Variants in MAPK14 observed in about 807,000 individuals in gnomAD.
The protein encoded by MAPK14 is CSAID-binding protein.
A neutral mutation model predicts 49.6 loss-of-function variants in MAPK14; 16 were observed. That is an observed-to-expected ratio of 0.32 (90% confidence interval 0.22 to 0.49). MAPK14 has a LOEUF of 0.49. Among genes scored for constraint, MAPK14 ranks in the 20% least tolerant of loss-of-function variants. The pLI is 0.99. For synonymous variants in MAPK14, 142 were observed against 158.0 expected, an observed-to-expected ratio of 0.90 and a Z score of 0.76; for missense variants, 200 against 441.2, an observed-to-expected ratio of 0.45 and a Z score of 4.90.
At position 36,043,019 on chromosome 6, in the gene MAPK14, G is replaced by T. The variant is rs371322357; in HGVS notation, c.117-9680G>T. ...TGCCTCAGTAGTAGCAGCTACTCGG[G>T]AAGCTGAGGTGGGAGGTTTGTTGGG... On this transcript the variant is annotated intron_variant, in intron 1 of 11. Coordinates refer to ENST00000229794, the MANE Select transcript of MAPK14 (RefSeq NM_139012.3). 7.9e-5 allele frequency among the ~76,000 whole-genome samples: 12 copies of T among 152,046 alleles called. No individual in the cohort carries two copies. In the South Asian group the frequency reaches 2.1e-3, roughly 26 times the overall value.
chr6:36,115,636 C>T (rs569479677), downstream of MAPK14, among the ~76,000 whole-genome samples: 2 of 151,882 alleles, frequency 1.3e-5, no homozygotes, highest in East Asian at 1.9e-4. Flanking sequence ...ATTTTTAAAA[C>T]GTTAACTGGG....
intron 1 of MAPK14, among the ~76,000 whole-genome samples, chr6:36,044,896 G>C (rs938727230): frequency 2.0e-5 from 3 of 152,178 alleles, no homozygotes; most frequent in Admixed American, 2.0e-4. Context: ...CTTATTGGGA[G>C]TCCAAGGCAG....
chr6:36,044,201 C>T (rs946084641), intron 1 of MAPK14, among the ~76,000 whole-genome samples: 1 of 152,078 alleles, frequency 6.6e-6, no homozygotes, highest in African/African-American at 2.4e-5. Context: ...TAAATATTTC[C>T]ATTAACTTCC....
At position 36,104,433 on chromosome 6, in the gene MAPK14, G is replaced by T. The variant is rs1400809258; in HGVS notation, c.841+1784G>T. 3.9e-5 allele frequency among the ~76,000 whole-genome samples: 6 copies of T among 152,130 alleles called. No individual in the cohort carries two copies. In the East Asian group the frequency reaches 1.2e-3, roughly 29 times the overall value. ...GACAGAGTCTCGCTCTGTCGTCCAG[G>T]TTGGAGTGCAGTGGTGCGATCTCGG... On this transcript the variant is annotated intron_variant, in intron 10 of 11. Transcript: ENST00000229794.
At chr6:36,120,557 T>C in the MAPK14 span, among the ~76,000 whole-genome samples, 1 of 152,180 alleles carries the variant, frequency 6.6e-6, no homozygotes, top group South Asian at 2.1e-4. Context: ...AAACTTTTCT[T>C]TATTGATACA....
chr6:36,064,417 C>A (rs972386906), intron 3 of MAPK14, among the ~76,000 whole-genome samples: 1 of 152,138 alleles, frequency 6.6e-6, no homozygotes, highest in Non-Finnish European at 1.5e-5. Context: ...TCTTCTGATA[C>A]TTTTTCCTTT....
chr6:36,097,311 A>T (rs375552318), intron 9 of MAPK14: 1 of 152,358 alleles, frequency 6.6e-6, no homozygotes. Context: ...AGATGTTCTG[A>T]TAACATGATC....
the MAPK14 span, among the ~76,000 whole-genome samples, chr6:36,119,879 A>G: frequency 6.6e-6 from 1 of 152,212 alleles, no homozygotes; most frequent in Non-Finnish European, 1.5e-5. Context: ...GTGAAAAAGG[A>G]GGCTGCAAAA....
chr6:36,100,523 G>A (rs1357736719), intron 9 of MAPK14, among the ~76,000 whole-genome samples: 1 of 152,176 alleles, frequency 6.6e-6, no homozygotes, highest in Admixed American at 6.5e-5. Flanking sequence ...GTGCTTGTGA[G>A]GCGGTTTCTT....
At chr6:36,064,471 A>C (rs1763965966) in intron 3 of MAPK14, among the ~76,000 whole-genome samples, 1 of 152,114 alleles carries the variant, frequency 6.6e-6, no homozygotes, top group African/African-American at 2.4e-5. Context: ...TGAATTCCTT[A>C]TCTCTGCCTC....
intron 8 of MAPK14, among the ~76,000 whole-genome samples, chr6:36,084,914 G>A (rs1764918111): frequency 2.0e-5 from 3 of 149,662 alleles, no homozygotes; most frequent in Admixed American, 2.0e-4. Context: ...AAAATACTAA[G>A]GGCAGCCAGA....
At chr6:36,093,786 A>C (rs1378240280) in intron 8 of MAPK14, among the ~76,000 whole-genome samples, 1 of 152,076 alleles carries the variant, frequency 6.6e-6, no homozygotes, top group African/African-American at 2.4e-5. Context: ...AAGTCTCTTA[A>C]ACAAGAGTAC....
intron 1 of MAPK14, 123 bp from the exon 2 acceptor site, chr6:36,052,576 C>G: frequency 1.2e-6 from 1 of 841,772 alleles, no homozygotes; most frequent in East Asian, 3.0e-5. Flanking sequence ...TGCTTTTTAT[C>G]TTTATGCTTT....
rs958382266 is a variant in MAPK14 at position 36,109,028 on chromosome 6, T to C, written c.*581T>C. On this transcript the variant is annotated 3_prime_UTR_variant, in exon 12 of 12. Coordinates refer to ENST00000229794, the MANE Select transcript of MAPK14 (RefSeq NM_139012.3). ...GTATGGTTCTCAGATCTTGACAGTA[T>C]ATTTGAAACTGTAAATATGTTTGTG... The C allele has an allele frequency of 1.3e-5, 2 of 153,154 alleles. No homozygotes were observed. The highest frequency in any genetic ancestry group is 6.5e-5 in the Admixed American group (1 of 15,324). 9.5% of individuals were successfully genotyped at this position (153,154 alleles called of 1,614,324 possible).
At chr6:36,098,039 G>A (rs1447221067) in intron 9 of MAPK14, 4 of 152,022 alleles carry the variant, frequency 2.6e-5, no homozygotes, top group South Asian at 2.1e-4. Context: ...TCTTAAAAGC[G>A]CATGATGTAT....
intron 8 of MAPK14, among the ~76,000 whole-genome samples, chr6:36,081,325 C>T (rs757550310): frequency 6.6e-6 from 1 of 152,028 alleles, no homozygotes; most frequent in Non-Finnish European, 1.5e-5. Context: ...GGGTTTAGCT[C>T]TTATACTTAG....
At chr6:36,064,944 C>G (rs1358165205) in intron 3 of MAPK14, among the ~76,000 whole-genome samples, 4 of 152,192 alleles carry the variant, frequency 2.6e-5, no homozygotes, top group Non-Finnish European at 4.4e-5. Flanking sequence ...TGTCTCCACC[C>G]CAGTCACTCT....
At chr6:36,079,057 G>T (rs1053402222) in intron 8 of MAPK14, among the ~76,000 whole-genome samples, 2 of 152,304 alleles carry the variant, frequency 1.3e-5, no homozygotes, top group East Asian at 3.9e-4. Flanking sequence ...GTTTAACCCA[G>T]TTGAATTTTA....
At position 36,044,196 on chromosome 6, in the gene MAPK14, A is replaced by C. The variant is rs576455002; in HGVS notation, c.117-8503A>C. Among the ~76,000 whole-genome samples, 17 of 152,284 alleles carry C rather than the reference A, an allele frequency of 1.1e-4. 1 individual carries two copies. The South Asian group carries it at 3.5e-3, about 32-fold the overall frequency. The stretch of plus-strand genomic sequence containing the variant: ...ACTACAGATTTCAATATATTTAAAT[A>C]TTTCCATTAACTTCCAAAAGTAAAC... On this transcript the variant is annotated intron_variant, in intron 1 of 11. Coordinates refer to ENST00000229794, the MANE Select transcript of MAPK14 (RefSeq NM_139012.3).
Sources: allele counts gnomAD v4.1 joint callset (sites outside exome capture counted in the v4.1 genomes callset), GRCh38; gene constraint gnomAD v4.1.1; transcripts MANE v1.5; gene names NCBI Gene and HGNC (gene_info 2026-07-23, HGNC 2026-07-21).